Variants in MICOS10 observed in about 807,000 individuals in gnomAD.
MICOS10 encodes mitochondrial contact site and cristae organizing system subunit 10.
A neutral mutation model predicts 13.4 loss-of-function variants in MICOS10; 5 were observed. That is an observed-to-expected ratio of 0.37 (90% confidence interval 0.20 to 0.78). The LOEUF is 0.78. Among genes scored for constraint, MICOS10 ranks in the 30% least tolerant of loss-of-function variants. MICOS10 has a pLI of 0.47. For missense variants in MICOS10, 101 were observed against 94.6 expected, an observed-to-expected ratio of 1.07 and a Z score of -0.28; for synonymous variants, 35 against 33.6, an observed-to-expected ratio of 1.04 and a Z score of -0.15.
At chr1:19,619,096 C>G (rs1456838755) in intron 1 of MICOS10, among the ~76,000 whole-genome samples, 2 of 152,086 alleles carry the variant, frequency 1.3e-5, no homozygotes, top group Non-Finnish European at 2.9e-5. Context: ...CCCCTATGAT[C>G]TATTATAGAA....
intron 1 of MICOS10, among the ~76,000 whole-genome samples, 187 bp downstream of exon 1, chr1:19,597,296 A>G (rs1327936586): frequency 1.3e-5 from 2 of 152,170 alleles, no homozygotes; most frequent in African/African-American, 4.8e-5. Context: ...CACAGACCCG[A>G]GGAGCCGGAG....
chr1:19,606,413 G>A (rs1445525884), intron 1 of MICOS10, among the ~76,000 whole-genome samples: 1 of 152,184 alleles, frequency 6.6e-6, no homozygotes, highest in African/African-American at 2.4e-5. Context: ...TCATCTTTAT[G>A]AAAAGAAAGG....
intron 1 of MICOS10, among the ~76,000 whole-genome samples, chr1:19,597,386 C>CT (rs1207066562): frequency 1.3e-5 from 2 of 152,126 alleles, no homozygotes; most frequent in African/African-American, 4.8e-5. Context: ...TCGCAGAGCT[C>CT]TTGAGTGGAA....
intron 1 of MICOS10, among the ~76,000 whole-genome samples, chr1:19,604,165 T>G (rs1197010849): frequency 6.6e-6 from 1 of 152,190 alleles, no homozygotes; most frequent in Non-Finnish European, 1.5e-5. Context: ...GAGGATAAAA[T>G]GAGATAATCT....
chr1:19,617,182 C>T, intron 1 of MICOS10: 2 of 658,028 alleles, frequency 3.0e-6, no homozygotes, highest in African/African-American at 2.0e-5. Flanking sequence ...GCAGAGCACA[C>T]CAGTAATGAC....
chr1:19,616,004 C>T (rs183147399), intron 1 of MICOS10, among the ~76,000 whole-genome samples: 346 of 151,904 alleles, frequency 2.3e-3, no homozygotes, highest in African/African-American at 7.8e-3. Flanking sequence ...CTGCAATCTT[C>T]GCCTCCCAGG....
intron 1 of MICOS10, 34 bp downstream of exon 1, chr1:19,597,143 G>T: frequency 6.3e-7 from 1 of 1,588,172 alleles, no homozygotes; most frequent in Non-Finnish European, 8.6e-7. Flanking sequence ...GGCCCGGCCG[G>T]TGCAGAGCTG....
chr1:19,623,962 G>A (rs2094913262), intron 3 of MICOS10, among the ~76,000 whole-genome samples: 1 of 152,102 alleles, frequency 6.6e-6, no homozygotes, highest in Non-Finnish European at 1.5e-5. Flanking sequence ...AAAGACTTCC[G>A]GGACTCAGCC....
rs371041323 is a variant in MICOS10 at position 19,596,996 on chromosome 1, C to G, written c.-50C>G. ...CAGCTCTCGCGAGACTTTCAGGGGT[C>G]GGAGCGCGGGGGCCGGCCGAGAGGA... On this transcript the variant is annotated 5_prime_UTR_variant, in exon 1 of 4. Transcript: ENST00000322753. 319 of 1,547,260 alleles carry G rather than the reference C, an allele frequency of 2.1e-4. No individual in the cohort carries two copies. Among genetic ancestry groups the G allele is most frequent in the Non-Finnish European group, 2.7e-4 (306 of 1,149,214 alleles).
chr1:19,624,738 C>T (rs1253040245), intron 3 of MICOS10, among the ~76,000 whole-genome samples: 2 of 152,174 alleles, frequency 1.3e-5, no homozygotes, highest in African/African-American at 4.8e-5. Flanking sequence ...GTGACAGGAA[C>T]ATTGGAGGCT....
chr1:19,615,514 A>T (rs2094880426), intron 1 of MICOS10, among the ~76,000 whole-genome samples: 1 of 152,190 alleles, frequency 6.6e-6, no homozygotes, highest in Non-Finnish European at 1.5e-5. Context: ...AATCGTTTTA[A>T]CCTGTCTTAC....
At chr1:19,601,060 G>C (rs1462726199) in intron 1 of MICOS10, 1 of 1,235,368 alleles carries the variant, frequency 8.1e-7, no homozygotes, top group African/African-American at 1.5e-5. Flanking sequence ...TTTGCTGTAC[G>C]ATGACTATTA....
intron 1 of MICOS10, among the ~76,000 whole-genome samples, chr1:19,598,813 C>CTACT (rs2094802822): frequency 6.6e-6 from 1 of 152,144 alleles, no homozygotes; most frequent in South Asian, 2.1e-4. Context: ...AATACATAAG[C>CTACT]TACTTAGCAC....
chr1:19,620,699 T>A (rs2094900175), intron 1 of MICOS10, among the ~76,000 whole-genome samples: 1 of 152,222 alleles, frequency 6.6e-6, no homozygotes, highest in African/African-American at 2.4e-5. Flanking sequence ...TATATCTGAA[T>A]TCTAGAGATT....
In MICOS10 at chr1:19,622,145, A is replaced by T; in HGVS notation, c.110A>T (p.Lys37Ile). Reference sequence around the variant, plus strand: ...ATTGTTTTCTCACTTACCTTCTTTAAAAGTAAGTGTCACTCTGTCTTTTCA... The same window carrying T: ...ATTGTTTTCTCACTTACCTTCTTTATAAGTAAGTGTCACTCTGTCTTTTCA... ...LGIVFSLTFF[K>I]RRMWPLAFGS... is the part of the protein sequence containing the mutation. Residue 37 changes from lysine to isoleucine, a missense_variant and splice_region_variant, in exon 2 of 4, where the codon AAA (lysine) becomes ATA (isoleucine). Lys to Ile is a moderately radical substitution (Grantham distance 102). Transcript: ENST00000322753. 1 of 1,609,800 alleles carries T rather than the reference A, an allele frequency of 6.2e-7. No individual in the cohort carries two copies. Among genetic ancestry groups the T allele is most frequent in the Non-Finnish European group, 8.5e-7 (1 of 1,176,834 alleles).
intron 1 of MICOS10, chr1:19,598,060 C>G (rs982042717): frequency 6.6e-6 from 1 of 152,162 alleles, no homozygotes; most frequent in Non-Finnish European, 1.5e-5. Flanking sequence ...ATTGTAAGCT[C>G]CATGAGAGCA....
At chr1:19,622,060 C>T (rs756310107) in intron 1 of MICOS10, 40 bp from the exon 2 acceptor site, 3 of 1,485,134 alleles carry the variant, frequency 2.0e-6, no homozygotes, top group Admixed American at 1.7e-5. Flanking sequence ...TGTGAAGTTA[C>T]TGCTATGAGA....
chr1:19,610,035 G>A (rs1010081508), intron 1 of MICOS10, among the ~76,000 whole-genome samples: 8 of 152,094 alleles, frequency 5.3e-5, no homozygotes, highest in African/African-American at 4.8e-5. Context: ...CCAGCTACTC[G>A]GGAGGGTGAG....
chr1:19,602,037 T>A (rs1385637961), intron 1 of MICOS10, among the ~76,000 whole-genome samples: 1 of 152,200 alleles, frequency 6.6e-6, no homozygotes. Context: ...CTATTTATTC[T>A]TTATCACATC....
Sources: allele counts gnomAD v4.1 joint callset (sites outside exome capture counted in the v4.1 genomes callset), GRCh38; gene constraint gnomAD v4.1.1; transcripts MANE v1.5; gene names NCBI Gene and HGNC (gene_info 2026-07-23, HGNC 2026-07-21).